Variants in ATAD1 observed in about 807,000 individuals in gnomAD.
The protein encoded by ATAD1 is outer mitochondrial transmembrane helix translocase.
A neutral mutation model predicts 42.7 loss-of-function variants in ATAD1; 18 were observed. The observed-to-expected ratio is 0.42, with a 90% CI of 0.29 to 0.63. The LOEUF (loss-of-function observed/expected upper bound fraction) is 0.63, where lower values mean the gene tolerates loss of function less well. ATAD1 is among the 20% of genes least tolerant of loss of function. The pLI is 0.19. For missense variants in ATAD1, 294 were observed against 440.4 expected (o/e 0.67, Z 2.98); for synonymous variants, 132 against 143.1 (o/e 0.92, Z 0.55).
intron 1 of ATAD1, among the ~76,000 whole-genome samples, chr10:87,839,710 C>T (rs1055931910): frequency 3.0e-4 from 46 of 152,064 alleles, no homozygotes; most frequent in African/African-American, 1.1e-3. Context: ...TTTCTTCCCC[C>T]CCGCCGCCCC....
intron 8 of ATAD1, among the ~76,000 whole-genome samples, chr10:87,766,170 G>C (rs1206292461): frequency 6.6e-6 from 1 of 152,172 alleles, no homozygotes; most frequent in Admixed American, 6.5e-5. Context: ...AGGAATATGA[G>C]TAAACCGTAA....
At chr10:87,776,872 T>C (rs1351943145) in intron 5 of ATAD1, among the ~76,000 whole-genome samples, 2 of 152,114 alleles carry the variant, frequency 1.3e-5, no homozygotes, top group Middle Eastern at 3.2e-3. Context: ...CTGATCACTA[T>C]ATACTATAGT....
chr10:87,786,998 G>A (rs1373423057), intron 4 of ATAD1, among the ~76,000 whole-genome samples: 3 of 151,970 alleles, frequency 2.0e-5, no homozygotes, highest in Non-Finnish European at 4.4e-5. Context: ...TGGCTTGTCT[G>A]ACAAATTATC....
At chr10:87,762,738 G>T (rs1283942019) in intron 8 of ATAD1, among the ~76,000 whole-genome samples, 1 of 151,442 alleles carries the variant, frequency 6.6e-6, no homozygotes, top group Non-Finnish European at 1.5e-5. Flanking sequence ...AAAGTGCCAG[G>T]ATTACACAAT....
rs1179161810 is a variant in ATAD1 at position 87,803,311 on chromosome 10, T to C, written c.163-10556A>G. 2.0e-5 allele frequency among the ~76,000 whole-genome samples: 3 copies of C among 152,276 alleles called. No homozygotes were observed. The East Asian group carries it at 5.8e-4, about 29-fold the overall frequency. On this transcript the variant is annotated intron_variant, in intron 2 of 9. Transcript: ENST00000680024. ...CCAGAGACTCATTTTCTTCTAAATA[T>C]GCTTTCTCCAAAAGATTTTTAAAAA...
chr10:87,772,154 A>C (rs962687001), intron 6 of ATAD1, among the ~76,000 whole-genome samples: 2 of 152,166 alleles, frequency 1.3e-5, no homozygotes, highest in Non-Finnish European at 2.9e-5. Context: ...ATTTGTGTTA[A>C]GTGGTCCTAA....
chr10:87,796,620 T>C (rs1386939221), intron 2 of ATAD1, among the ~76,000 whole-genome samples: 1 of 152,216 alleles, frequency 6.6e-6, no homozygotes, highest in East Asian at 1.9e-4. Flanking sequence ...AGCTGTGTCA[T>C]GGTCCCGTGT....
intron 1 of ATAD1, among the ~76,000 whole-genome samples, chr10:87,835,180 T>G (rs1476849956): frequency 6.6e-6 from 1 of 152,130 alleles, no homozygotes; most frequent in Non-Finnish European, 1.5e-5. Flanking sequence ...CCATGTACAT[T>G]TTAAAGAGTA....
chr10:87,834,301 A>T (rs1857891387), intron 1 of ATAD1, among the ~76,000 whole-genome samples: 1 of 152,148 alleles, frequency 6.6e-6, no homozygotes. Context: ...GATTTTATAA[A>T]AATAAATTGG....
intron 1 of ATAD1, among the ~76,000 whole-genome samples, chr10:87,827,945 T>G (rs1008991606): frequency 1.4e-5 from 2 of 147,452 alleles, no homozygotes; most frequent in Admixed American, 6.7e-5. Context: ...GGAAAAGTGG[T>G]TTTTTTTGGT....
Position 87,804,365 on chromosome 10 carries a change from T to G in ATAD1, c.162+10073A>C, listed in dbSNP as rs1856832238. Among the ~76,000 whole-genome samples the G allele has an allele frequency of 2.0e-5, 3 of 152,148 alleles. No homozygotes were observed. The South Asian group carries it at 6.2e-4, about 32-fold the overall frequency. ...CTAAACCACAATTTCAAGAAAATTA[T>G]ATAGTCTAATTATTATTATTTTGAG... On this transcript the variant is annotated intron_variant, in intron 2 of 9. Transcript: ENST00000680024.
intron 1 of ATAD1, among the ~76,000 whole-genome samples, chr10:87,828,678 C>A (rs1180234362): frequency 2.0e-5 from 3 of 152,168 alleles, no homozygotes; most frequent in Non-Finnish European, 2.9e-5. Flanking sequence ...GAAGAAAATG[C>A]CATCTGGGAC....
rs1280079640 is a variant in ATAD1, at chr10:87,754,603, G to A, written c.*84C>T. The stretch of plus-strand genomic sequence containing the variant: ...ACACTGAGCTCCCTCATTGTTTAAA[G>A]AGCACTCTTTCCGTTCTATTTCCAC... On this transcript the variant is annotated 3_prime_UTR_variant, in exon 10 of 10. Coordinates refer to ENST00000680024, the MANE Select transcript of ATAD1 (RefSeq NM_001321967.2). The A allele has an allele frequency of 2.8e-6, 4 of 1,446,616 alleles. No homozygotes were observed. The highest frequency in any genetic ancestry group is 3.7e-6 in the Non-Finnish European group (4 of 1,073,678). 89.6% of individuals were successfully genotyped at this position (1,446,616 alleles called of 1,614,324 possible). A position where few individuals can be genotyped will look rare whatever the true frequency, so the allele number is the denominator to read the frequency against.
intron 2 of ATAD1, among the ~76,000 whole-genome samples, chr10:87,797,381 T>TA (rs562371309): frequency 6.6e-6 from 1 of 152,178 alleles, no homozygotes; most frequent in African/African-American, 2.4e-5. Flanking sequence ...CTTACTGTCT[T>TA]AAAAAAACAA....
rs532878911 is a variant in ATAD1 at position 87,754,050 on chromosome 10, T to C, written c.*637A>G. 7 of 152,374 alleles carry C rather than the reference T, an allele frequency of 4.6e-5. No individual in the cohort carries two copies. The highest frequency in any genetic ancestry group is 2.4e-5 in the African/African-American group (1 of 41,442). The allele number at this position is 152,374 out of a possible 1,614,324, so 9.4% of individuals were successfully genotyped here. A position where few individuals can be genotyped will look rare whatever the true frequency, so the allele number is the denominator to read the frequency against. ...AACATAATAATTGAGCCCATGTATA[T>C]ATGCAAGATGTGGAGGATCCAACTA... On this transcript the variant is annotated 3_prime_UTR_variant, in exon 10 of 10. Coordinates refer to ENST00000680024, the MANE Select transcript of ATAD1 (RefSeq NM_001321967.2).
At chr10:87,819,263 C>CAAAAAAAAAAAAAAA (rs57941047), upstream of ATAD1, 28 of 53,714 alleles carry the variant, frequency 5.2e-4, no homozygotes, top group African/African-American at 1.6e-3. Context: ...ATCGTCTCTA[C>CAAAAAAAAAAAAAAA]AAAAAAAAAA....
At chr10:87,793,933 T>C (rs1179913493) in intron 2 of ATAD1, among the ~76,000 whole-genome samples, 3 of 146,578 alleles carry the variant, frequency 2.0e-5, no homozygotes, top group East Asian at 3.9e-4. Context: ...TTAATAGCTT[T>C]AAAAAAAAAA....
At chr10:87,775,976 C>A (rs1270302691) in intron 6 of ATAD1, among the ~76,000 whole-genome samples, 3 of 152,150 alleles carry the variant, frequency 2.0e-5, no homozygotes, top group Non-Finnish European at 4.4e-5. Flanking sequence ...ACAGAAAGAA[C>A]AGTTTTTTAA....
At chr10:87,819,263 CAAAAA>C (rs57941047), upstream of ATAD1, 10 of 53,726 alleles carry the variant, frequency 1.9e-4, no homozygotes, top group East Asian at 5.6e-4. Flanking sequence ...ATCGTCTCTA[CAAAAA>C]AAAAAAAAAA....
Sources: gnomAD v4.1 joint callset for allele counts (sites outside exome capture counted in the v4.1 genomes callset) on GRCh38, gnomAD v4.1.1 for gene constraint, MANE v1.5 for transcripts, NCBI Gene and HGNC (gene_info 2026-07-23, HGNC 2026-07-21) for gene names.